The following CFAP20DC variants were observed in gnomAD, a reference collection of about 807,000 sequenced individuals.
CFAP20DC encodes CFAP20 domain containing.
In CFAP20DC, 84 loss-of-function variants were observed where a neutral mutation model predicts 101.7. That is an observed-to-expected ratio of 0.83 (90% CI 0.69 to 0.99). CFAP20DC has a LOEUF of 0.99. Ranked by LOEUF, CFAP20DC falls within the 50% of genes least tolerant of loss-of-function variation. The probability of loss-of-function intolerance (pLI) is 0.00; values close to 1 mark genes in which losing one functional copy is unlikely to be tolerated. For synonymous variants in CFAP20DC, 359 were observed against 351.2 expected (o/e 1.02, Z -0.25); for missense variants, 1,007 against 970.3 (o/e 1.04, Z -0.50).
chr3:58,780,522 C>T (rs1359703119), intron 15 of CFAP20DC, among the ~76,000 whole-genome samples: 2 of 151,584 alleles, frequency 1.3e-5, no homozygotes, highest in African/African-American at 4.8e-5. Flanking sequence ...AAAAAAGATC[C>T]AAGTATATGC....
intron 6 of CFAP20DC, among the ~76,000 whole-genome samples, chr3:58,901,479 T>C (rs966010468): frequency 1.3e-5 from 2 of 152,196 alleles, no homozygotes; most frequent in Admixed American, 6.5e-5. Context: ...AAATAATACT[T>C]ACCTCAAAGG....
intron 14 of CFAP20DC, among the ~76,000 whole-genome samples, chr3:58,820,830 C>T (rs1264999217): frequency 3.4e-5 from 5 of 148,650 alleles, no homozygotes; most frequent in South Asian, 2.1e-4. Flanking sequence ...GAGCCCGCAT[C>T]GCCAAGTCAA....
At chr3:59,033,264 A>C (rs2094031462) in intron 4 of CFAP20DC, among the ~76,000 whole-genome samples, 1 of 152,206 alleles carries the variant, frequency 6.6e-6, no homozygotes, top group African/African-American at 2.4e-5. Flanking sequence ...AAAGGCTGAA[A>C]ATTCCAAAAA....
At position 59,028,102 on chromosome 3, in the gene CFAP20DC, C is replaced by T. The variant is rs138736870; in HGVS notation, c.278+11455G>A. Among the ~76,000 whole-genome samples, 401 of 152,294 alleles carry T rather than the reference C, an allele frequency of 2.6e-3. 1 individual carries two copies. Among genetic ancestry groups the T allele is most frequent in the Non-Finnish European group, 3.1e-3 (210 of 68,020 alleles). Reference sequence around the variant, plus strand: ...CTATGTGTTAGTACAGTAAACACTCCCTTTGCTCCACATGCAAAATGTAAT... The same window carrying T: ...CTATGTGTTAGTACAGTAAACACTCTCTTTGCTCCACATGCAAAATGTAAT... On this transcript the variant is annotated intron_variant, in intron 4 of 16. Coordinates refer to ENST00000482387, the MANE Select transcript of CFAP20DC (RefSeq NM_001394063.1).
At chr3:58,951,650 T>A (rs1394637242) in intron 4 of CFAP20DC, among the ~76,000 whole-genome samples, 3 of 151,880 alleles carry the variant, frequency 2.0e-5, no homozygotes, top group Non-Finnish European at 4.4e-5. Flanking sequence ...AGCAAACTAT[T>A]GCAGGGACAA....
chr3:58,943,804 T>C (rs1355146088), intron 4 of CFAP20DC, among the ~76,000 whole-genome samples: 2 of 152,152 alleles, frequency 1.3e-5, no homozygotes, highest in Non-Finnish European at 2.9e-5. Flanking sequence ...TTTAACCCAA[T>C]GCAAGGTAGC....
At chr3:58,822,187 C>A (rs2075707368) in intron 14 of CFAP20DC, among the ~76,000 whole-genome samples, 2 of 145,820 alleles carry the variant, frequency 1.4e-5, no homozygotes, top group African/African-American at 5.1e-5. Flanking sequence ...GGAGATATAC[C>A]TAATGCTAGA....
At chr3:58,988,884 G>C (rs2092838001) in intron 4 of CFAP20DC, among the ~76,000 whole-genome samples, 1 of 152,104 alleles carries the variant, frequency 6.6e-6, no homozygotes, top group Admixed American at 6.6e-5. Flanking sequence ...TTTGCCAAGA[G>C]ACCATCAATA....
Position 58,891,498 on chromosome 3 carries a change from G to A in CFAP20DC, c.551-6789C>T, listed in dbSNP as rs1334110468. On this transcript the variant is annotated intron_variant, in intron 6 of 16. Transcript: ENST00000482387. Reference sequence around the variant, plus strand: ...GCTTTTTTACTTTTTAATAGTGGCCGTTCTGACTGGTGTGAGATGGTATCT... The same window carrying A: ...GCTTTTTTACTTTTTAATAGTGGCCATTCTGACTGGTGTGAGATGGTATCT... Among the ~76,000 whole-genome samples the A allele has an allele frequency of 4.6e-5, 7 of 151,940 alleles. No individual in the cohort carries two copies. The East Asian group carries it at 5.8e-4, about 13-fold the overall frequency.
chr3:58,970,832 A>T (rs2108359552), intron 4 of CFAP20DC: 1 of 152,266 alleles, frequency 6.6e-6, no homozygotes, highest in East Asian at 1.9e-4. Flanking sequence ...GTATGCTTCT[A>T]ATTGCTTTGT....
At chr3:58,779,175 T>C (rs960767710) in intron 15 of CFAP20DC, among the ~76,000 whole-genome samples, 8 of 151,968 alleles carry the variant, frequency 5.3e-5, no homozygotes, top group African/African-American at 1.9e-4. Flanking sequence ...ATATTAAAGA[T>C]GCTCAATGAA....
intron 6 of CFAP20DC, among the ~76,000 whole-genome samples, chr3:58,906,387 C>T (rs2083587876): frequency 6.6e-6 from 1 of 152,158 alleles, no homozygotes; most frequent in Non-Finnish European, 1.5e-5. Context: ...TATAATTACA[C>T]ACAGAACTCA....
chr3:58,815,018 A>C (rs1400727167), intron 14 of CFAP20DC, among the ~76,000 whole-genome samples: 1 of 151,486 alleles, frequency 6.6e-6, no homozygotes, highest in Non-Finnish European at 1.5e-5. Flanking sequence ...TTTAAAGTTC[A>C]TATGGAACCA....
intron 4 of CFAP20DC, among the ~76,000 whole-genome samples, chr3:58,987,485 A>T (rs1001052854): frequency 1.3e-5 from 2 of 152,034 alleles, no homozygotes; most frequent in African/African-American, 4.8e-5. Flanking sequence ...AGGATTAAGA[A>T]AATAATTGAA....
intron 16 of CFAP20DC, among the ~76,000 whole-genome samples, chr3:58,746,663 C>A (rs978486486): frequency 1.3e-5 from 2 of 152,166 alleles, no homozygotes; most frequent in South Asian, 4.2e-4. Context: ...GAATGGGACC[C>A]TCGCGCATTA....
intron 15 of CFAP20DC, among the ~76,000 whole-genome samples, chr3:58,768,474 T>C (rs1448851716): frequency 2.0e-5 from 3 of 152,216 alleles, no homozygotes; most frequent in East Asian, 1.9e-4. Context: ...CATGTGGCGA[T>C]GTGCTGGAAA....
At chr3:58,987,235 T>G (rs879613896) in intron 4 of CFAP20DC, among the ~76,000 whole-genome samples, 1 of 152,076 alleles carries the variant, frequency 6.6e-6, no homozygotes, top group Non-Finnish European at 1.5e-5. Context: ...ATTAATTTCC[T>G]ACTTTAAGTC....
intron 14 of CFAP20DC, chr3:58,824,438 T>G (rs1024342467): frequency 6.6e-6 from 1 of 152,114 alleles, no homozygotes; most frequent in African/African-American, 2.4e-5. Context: ...GAAAACAGTA[T>G]TCATATATAA....
At chr3:58,995,975 A>ATCT (rs1553760740) in intron 4 of CFAP20DC, among the ~76,000 whole-genome samples, 4 of 145,160 alleles carry the variant, frequency 2.8e-5, no homozygotes, top group Admixed American at 6.9e-5. Context: ...CTGTATAATA[A>ATCT]ATCTATCTAT....
Sources: allele counts gnomAD v4.1 joint callset (sites outside exome capture counted in the v4.1 genomes callset), GRCh38; gene constraint gnomAD v4.1.1; transcripts MANE v1.5; gene names NCBI Gene and HGNC (gene_info 2026-07-23, HGNC 2026-07-21).